The following CCSER1 variants were observed in gnomAD, a reference collection of about 807,000 sequenced individuals.
The protein encoded by CCSER1 is serine-rich coiled-coil domain-containing protein 1.
Under a neutral mutation model 82.0 loss-of-function variants are expected in CCSER1, and 41 were observed. The observed-to-expected ratio is 0.50, with a 90% confidence interval of 0.39 to 0.65. The LOEUF (loss-of-function observed/expected upper bound fraction) is 0.65, where lower values mean the gene tolerates loss of function less well. CCSER1 is among the 30% of genes least tolerant of loss of function. The probability of loss-of-function intolerance (pLI) is 0.00; values close to 1 mark genes in which losing one functional copy is unlikely to be tolerated. For missense variants in CCSER1, 1,119 were observed against 1,064.2 expected (o/e 1.05, Z -0.72); for synonymous variants, 414 against 383.9 (o/e 1.08, Z -0.92).
chr4:90,317,414 C>G (rs915621052), intron 3 of CCSER1, among the ~76,000 whole-genome samples: 4 of 151,934 alleles, frequency 2.6e-5, no homozygotes, highest in Admixed American at 1.3e-4. Flanking sequence ...GAGTTCAAGA[C>G]CAGCGTGGCC....
At chr4:90,709,121 G>A (rs1011912476) in intron 6 of CCSER1, among the ~76,000 whole-genome samples, 1 of 151,970 alleles carries the variant, frequency 6.6e-6, no homozygotes, top group African/African-American at 2.4e-5. Flanking sequence ...TTATATGATG[G>A]AAATTTATTC....
chr4:90,459,432 G>A (rs140110650), intron 4 of CCSER1, among the ~76,000 whole-genome samples: 5 of 151,960 alleles, frequency 3.3e-5, no homozygotes, highest in Admixed American at 3.3e-4. Flanking sequence ...AGTTTGCTAG[G>A]GCTGGCATAA....
At chr4:91,108,104 T>C (rs1404651894) in intron 10 of CCSER1, 3 of 152,198 alleles carry the variant, frequency 2.0e-5, no homozygotes, top group Non-Finnish European at 4.4e-5. Flanking sequence ...ACTAACCCTA[T>C]GAAGAGAGAC....
At chr4:90,749,205 G>A (rs368036603) in intron 7 of CCSER1, among the ~76,000 whole-genome samples, 2 of 150,944 alleles carry the variant, frequency 1.3e-5, no homozygotes, top group South Asian at 2.1e-4. Flanking sequence ...ATCTTGAATT[G>A]ATTTTTGTAT....
At chr4:90,296,254 A>G (rs922078515) in intron 1 of CCSER1, among the ~76,000 whole-genome samples, 2 of 152,108 alleles carry the variant, frequency 1.3e-5, no homozygotes, top group African/African-American at 4.8e-5. Context: ...AAAGTGATCA[A>G]TGTGGTCAAA....
At chr4:91,101,388 T>C (rs1725038705) in intron 10 of CCSER1, among the ~76,000 whole-genome samples, 1 of 152,202 alleles carries the variant, frequency 6.6e-6, no homozygotes, top group Admixed American at 6.5e-5. Flanking sequence ...AAAGAACTGA[T>C]AAGAGCACAT....
chr4:90,948,452 G>C (rs573362151), intron 9 of CCSER1, among the ~76,000 whole-genome samples: 1 of 151,246 alleles, frequency 6.6e-6, no homozygotes, highest in Non-Finnish European at 1.5e-5. Flanking sequence ...AATTTTTTTC[G>C]TTTATTCTTT....
intron 10 of CCSER1, among the ~76,000 whole-genome samples, chr4:91,442,449 T>C (rs1384247919): frequency 1.4e-5 from 2 of 141,622 alleles, no homozygotes; most frequent in Non-Finnish European, 3.1e-5. Context: ...ATGCCTTCCT[T>C]ACACCTTATA....
chr4:90,469,137 C>T (rs958389522), intron 5 of CCSER1, among the ~76,000 whole-genome samples: 3 of 151,880 alleles, frequency 2.0e-5, no homozygotes, highest in South Asian at 2.1e-4. Flanking sequence ...AGGAGTAAGG[C>T]GGAAGATATA....
chr4:90,540,968 T>C (rs1426818689), intron 5 of CCSER1, among the ~76,000 whole-genome samples: 5 of 152,106 alleles, frequency 3.3e-5, no homozygotes, highest in Non-Finnish European at 7.4e-5. Context: ...CTCCTCTCTT[T>C]ATTTTCTAAA....
At chr4:91,339,742 C>T (rs554305337) in intron 10 of CCSER1, among the ~76,000 whole-genome samples, 27 of 152,224 alleles carry the variant, frequency 1.8e-4, no homozygotes, top group Admixed American at 1.8e-3. Flanking sequence ...CATTCCAAGA[C>T]CCCCAGTAGA....
chr4:90,459,842 C>T (rs1672114056), intron 4 of CCSER1, among the ~76,000 whole-genome samples: 1 of 152,080 alleles, frequency 6.6e-6, no homozygotes, highest in Admixed American at 6.5e-5. Context: ...GCTATATCAG[C>T]TTATATTTGA....
chr4:91,593,011 TTATTAAACGTTCATTAA>T (rs1300704680), intron 10 of CCSER1, among the ~76,000 whole-genome samples: 1 of 152,156 alleles, frequency 6.6e-6, no homozygotes, highest in Non-Finnish European at 1.5e-5. Context: ...AAATAAAACA[TTATTAAACGTTCATTAA>T]TCAGTGATTG....
At chr4:91,531,772 C>T (rs559190982) in intron 10 of CCSER1, among the ~76,000 whole-genome samples, 32 of 152,282 alleles carry the variant, frequency 2.1e-4, no homozygotes, top group African/African-American at 7.5e-4. Flanking sequence ...GTAATGAGCC[C>T]ACACACCTCT....
intron 3 of CCSER1, among the ~76,000 whole-genome samples, chr4:90,359,321 G>A (rs1369714021): frequency 6.6e-6 from 1 of 152,202 alleles, no homozygotes; most frequent in Admixed American, 6.5e-5. Context: ...AGTTATAACT[G>A]TGTACTTTTG....
intron 1 of CCSER1, among the ~76,000 whole-genome samples, chr4:90,267,554 C>T (rs907844952): frequency 2.6e-5 from 4 of 152,128 alleles, no homozygotes; most frequent in Non-Finnish European, 4.4e-5. Context: ...ATTCTGGCTT[C>T]GGGTCTGACC....
intron 5 of CCSER1, among the ~76,000 whole-genome samples, chr4:90,576,212 A>G (rs1249894224): frequency 6.6e-6 from 1 of 152,120 alleles, no homozygotes; most frequent in Non-Finnish European, 1.5e-5. Flanking sequence ...TTTTAAAAAC[A>G]GATTTTATTT....
intron 3 of CCSER1, among the ~76,000 whole-genome samples, chr4:90,363,985 A>AT (rs1053956151): frequency 3.6e-4 from 55 of 152,152 alleles, no homozygotes; most frequent in Middle Eastern, 3.4e-3. Flanking sequence ...GAAAATGAGC[A>AT]TTTTTTTATG....
chr4:90,129,247 G>A (rs1292616439), intron 1 of CCSER1, among the ~76,000 whole-genome samples: 1 of 151,838 alleles, frequency 6.6e-6, no homozygotes, highest in African/African-American at 2.4e-5. Context: ...CCTAGGTGGG[G>A]GTCAGTTATC....
Sources: gnomAD v4.1 joint callset for allele counts (sites outside exome capture counted in the v4.1 genomes callset) on GRCh38, gnomAD v4.1.1 for gene constraint, MANE v1.5 for transcripts, NCBI Gene and HGNC (gene_info 2026-07-23, HGNC 2026-07-21) for gene names.